Variants in ROCK1 observed in about 807,000 individuals in gnomAD.
ROCK1 encodes the protein Rho associated coiled-coil containing protein kinase 1.
Under a neutral mutation model 196.8 loss-of-function variants are expected in ROCK1, and 36 were observed. The ratio of observed to expected loss-of-function variants is 0.18; its 90% CI spans 0.14 to 0.24. ROCK1 has a LOEUF of 0.24. Among genes scored for constraint, ROCK1 ranks in the 10% least tolerant of loss-of-function variants. ROCK1 has a pLI of 1.00. For missense variants in ROCK1, 920 were observed against 1,562.0 expected (o/e 0.59, Z 6.93); for synonymous variants, 443 against 515.9 (o/e 0.86, Z 1.91).
chr18:20,975,649 T>A (rs1346605454), intron 22 of ROCK1, among the ~76,000 whole-genome samples: 2 of 152,182 alleles, frequency 1.3e-5, no homozygotes, highest in African/African-American at 2.4e-5. Flanking sequence ...CTCACTCTGT[T>A]GCCCAGGATG....
intron 1 of ROCK1, among the ~76,000 whole-genome samples, chr18:21,103,977 T>G (rs1403192424): frequency 6.6e-6 from 1 of 152,236 alleles, no homozygotes; most frequent in East Asian, 1.9e-4. Flanking sequence ...CTGTTCATCT[T>G]CTTGAACACA....
intron 4 of ROCK1, among the ~76,000 whole-genome samples, chr18:21,046,055 C>A (rs992070260): frequency 1.3e-5 from 2 of 151,976 alleles, no homozygotes; most frequent in African/African-American, 2.4e-5. Flanking sequence ...GGACTACAGG[C>A]ACCCGCTACC....
chr18:21,025,061 CT>C (rs2143471673), intron 10 of ROCK1, among the ~76,000 whole-genome samples: 1 of 152,276 alleles, frequency 6.6e-6, no homozygotes, highest in African/African-American at 2.4e-5. Flanking sequence ...TTTTAGTCTT[CT>C]GCAAAATTAG....
At chr18:20,961,523 C>T (rs974924834) in intron 27 of ROCK1, among the ~76,000 whole-genome samples, 2 of 152,250 alleles carry the variant, frequency 1.3e-5, no homozygotes, top group East Asian at 3.9e-4. Context: ...GCAGGGTAAA[C>T]GGACTTGGGC....
At position 21,092,580 on chromosome 18, in the gene ROCK1, T is replaced by TAAAAAAAAAAAAA. The variant is rs35799573; in HGVS notation, c.93+18225_93+18237dup. ...GCCTGGGTAAGCAAGACCTCATCTT[T>TAAAAAAAAAAAAA]AAAAAAAAAAAAAAAAAAAAAAAAC... On this transcript the variant is annotated intron_variant, in intron 1 of 32. Transcript: ENST00000399799. 2.8e-4 allele frequency among the ~76,000 whole-genome samples: 23 copies of TAAAAAAAAAAAAA among 81,102 alleles called. 2 individuals carry two copies. Among genetic ancestry groups the TAAAAAAAAAAAAA allele is most frequent in the African/African-American group, 5.7e-4 (11 of 19,302 alleles). 53.2% of individuals were successfully genotyped at this position (81,102 alleles called of 152,430 possible).
chr18:20,993,169 CCTCAGCTTGAG>C (rs2035640956), intron 16 of ROCK1, among the ~76,000 whole-genome samples: 1 of 152,270 alleles, frequency 6.6e-6, no homozygotes, highest in Non-Finnish European at 1.5e-5. Context: ...AGAGATGAAG[CCTCAGCTTGAG>C]CTAGAAATCA....
chr18:21,044,516 A>G (rs2036138292), intron 5 of ROCK1, among the ~76,000 whole-genome samples: 1 of 152,198 alleles, frequency 6.6e-6, no homozygotes, highest in Admixed American at 6.5e-5. Context: ...AAGTACATAA[A>G]AAAACCCCAC....
At chr18:20,979,038 T>C (rs1380288430) in intron 22 of ROCK1, among the ~76,000 whole-genome samples, 1 of 152,194 alleles carries the variant, frequency 6.6e-6, no homozygotes, top group Non-Finnish European at 1.5e-5. Context: ...GGAGTTACTA[T>C]CTTGTTGCGC....
intron 29 of ROCK1, among the ~76,000 whole-genome samples, chr18:20,958,750 T>A (rs2035271294): frequency 6.7e-6 from 1 of 149,650 alleles, no homozygotes; most frequent in African/African-American, 2.5e-5. Flanking sequence ...TCCTCCTGTA[T>A]GCTTTAAAAT....
At chr18:21,079,291 T>C (rs1295601120) in intron 1 of ROCK1, among the ~76,000 whole-genome samples, 1 of 152,184 alleles carries the variant, frequency 6.6e-6, no homozygotes, top group East Asian at 1.9e-4. Context: ...GTCTGCTGTA[T>C]GGAGGCATGT....
intron 27 of ROCK1, among the ~76,000 whole-genome samples, 164 bp from the exon 28 acceptor site, chr18:20,960,370 T>C (rs779557247): frequency 6.6e-6 from 1 of 152,164 alleles, no homozygotes; most frequent in African/African-American, 2.4e-5. Flanking sequence ...TCAACTTTAA[T>C]GGCCATACAA....
At chr18:21,026,010 T>C (rs1353112314) in intron 10 of ROCK1, among the ~76,000 whole-genome samples, 2 of 152,300 alleles carry the variant, frequency 1.3e-5, no homozygotes, top group East Asian at 3.9e-4. Context: ...AAGGTTACCA[T>C]TATACAGAGA....
chr18:20,985,795 T>C (rs1227989688), intron 19 of ROCK1, among the ~76,000 whole-genome samples: 1 of 152,226 alleles, frequency 6.6e-6, no homozygotes, highest in African/African-American at 2.4e-5. Flanking sequence ...TTCTAGTCCA[T>C]TCTATATACC....
At chr18:21,089,795 C>T (rs556665498) in intron 1 of ROCK1, among the ~76,000 whole-genome samples, 9 of 152,112 alleles carry the variant, frequency 5.9e-5, no homozygotes, top group South Asian at 2.1e-4. Context: ...AAAAACAGAA[C>T]GGTTGTATGG....
rs532120978 is a variant in ROCK1 at position 21,086,403 on chromosome 18, C to T, written c.94-15790G>A. Among the ~76,000 whole-genome samples the T allele has an allele frequency of 3.8e-4, 58 of 152,158 alleles. 1 individual carries two copies. The South Asian group carries it at 5.6e-3, about 15-fold the overall frequency. On this transcript the variant is annotated intron_variant, in intron 1 of 32. Coordinates refer to ENST00000399799, the MANE Select transcript of ROCK1 (RefSeq NM_005406.3). ...CTGAGATTACAGGCGTGAGCCACCG[C>T]GCCCAGCCTGAAAATAATTTTTTAA...
chr18:21,079,740 T>C lies in ROCK1; in HGVS notation c.94-9127A>G, dbSNP rs189500743. On this transcript the variant is annotated intron_variant, in intron 1 of 32. Coordinates refer to ENST00000399799, the MANE Select transcript of ROCK1 (RefSeq NM_005406.3). ...ATGGCTACTAAAAGAACTGGGTCGA[T>C]TGTACAGAACTTGTAAAGGTCTGGG... Among the ~76,000 whole-genome samples the C allele has an allele frequency of 2.2e-4, 34 of 152,276 alleles. No homozygotes were observed. The East Asian group carries it at 6.6e-3, about 30-fold the overall frequency.
intron 2 of ROCK1, among the ~76,000 whole-genome samples, chr18:21,057,299 T>C (rs1220058965): frequency 1.3e-5 from 2 of 152,054 alleles, no homozygotes; most frequent in Non-Finnish European, 2.9e-5. Flanking sequence ...AATGAGCAAA[T>C]TGAGTCATAA....
chr18:21,073,084 A>C (rs1416490976), intron 1 of ROCK1, among the ~76,000 whole-genome samples: 5 of 143,344 alleles, frequency 3.5e-5, no homozygotes, highest in Non-Finnish European at 7.4e-5. Flanking sequence ...AAAAAAAAAA[A>C]AAAAAAAAAA....
chr18:21,109,794 TTTTGA>T (rs2036734125), intron 1 of ROCK1, among the ~76,000 whole-genome samples: 1 of 152,198 alleles, frequency 6.6e-6, no homozygotes, highest in Admixed American at 6.5e-5. Context: ...AAGATGCGAT[TTTTGA>T]ATTGTATTAT....
Sources: allele counts gnomAD v4.1 joint callset (sites outside exome capture counted in the v4.1 genomes callset), GRCh38; gene constraint gnomAD v4.1.1; transcripts MANE v1.5; gene names NCBI Gene and HGNC (gene_info 2026-07-23, HGNC 2026-07-21).